The following SCN8A variants were observed in gnomAD, a reference collection of about 807,000 sequenced individuals.
SCN8A encodes sodium channel protein type 8 subunit alpha.
In SCN8A, 30 loss-of-function variants were observed where a neutral mutation model predicts 184.1. The ratio of observed to expected loss-of-function variants is 0.16; its 90% CI spans 0.12 to 0.22. SCN8A has a LOEUF of 0.22. Ranked by LOEUF, SCN8A falls within the 10% of genes least tolerant of loss-of-function variation. The pLI, the probability that SCN8A is intolerant of heterozygous loss-of-function variation, is 1.00. For synonymous variants in SCN8A, 852 were observed against 907.0 expected (o/e 0.94, Z 1.09); for missense variants, 1,057 against 2,498.9 (o/e 0.42, Z 12.30).
rs966667958 is a variant in SCN8A at position 51,789,169 on chromosome 12, C to G, written c.4282-112C>G. 3.5e-6 allele frequency: 4 copies of G among 1,156,614 alleles called. No individual in the cohort carries two copies. In the East Asian group the frequency reaches 1.0e-4, roughly 29 times the overall value. The allele number at this position is 1,156,614 out of a possible 1,614,324, so 71.6% of individuals were successfully genotyped here. A position where few individuals can be genotyped will look rare whatever the true frequency, so the allele number is the denominator to read the frequency against. On this transcript the variant is annotated intron_variant, in intron 23 of 26. Transcript: ENST00000627620. Reference sequence around the variant, plus strand: ...CAGGCAGAAAGAATCTAGGGCTCTCCCACCCCAAGATGTTTAGCAGCTCAA... The same window carrying G: ...CAGGCAGAAAGAATCTAGGGCTCTCGCACCCCAAGATGTTTAGCAGCTCAA...
chr12:51,690,524 TA>T (rs1031227971), intron 6 of SCN8A, among the ~76,000 whole-genome samples: 10 of 151,768 alleles, frequency 6.6e-5, no homozygotes, highest in African/African-American at 1.7e-4. Flanking sequence ...AGCTCATTTT[TA>T]AAAAAAAATT....
chr12:51,674,961 A>G (rs1941197448), intron 2 of SCN8A, among the ~76,000 whole-genome samples: 1 of 152,212 alleles, frequency 6.6e-6, no homozygotes, highest in African/African-American at 2.4e-5. Context: ...CAAAGCCTGT[A>G]AACCACTCTG....
chr12:51,739,119 TG>T (rs1286718010), intron 12 of SCN8A, among the ~76,000 whole-genome samples: 2 of 152,202 alleles, frequency 1.3e-5, no homozygotes, highest in Admixed American at 6.5e-5. Flanking sequence ...TTCCTCTATC[TG>T]GCGGCCTGAC....
intron 10 of SCN8A, 75 bp downstream of exon 10, chr12:51,705,698 A>G (rs2138748644): frequency 2.6e-5 from 34 of 1,326,758 alleles, no homozygotes; most frequent in Non-Finnish European, 3.4e-5. Context: ...TTTTCACTGC[A>G]GTTGATCTTT....
At chr12:51,757,188 G>A (rs998511668) in intron 14 of SCN8A, among the ~76,000 whole-genome samples, 6 of 152,186 alleles carry the variant, frequency 3.9e-5, no homozygotes, top group Admixed American at 6.5e-5. Context: ...CAACAGGTAC[G>A]AGTTGATCAC....
intron 1 of SCN8A, among the ~76,000 whole-genome samples, chr12:51,602,762 C>T (rs1939495853): frequency 1.3e-5 from 2 of 152,008 alleles, no homozygotes; most frequent in African/African-American, 2.4e-5. Context: ...GGCTTTGGGC[C>T]AATACACAGT....
At chr12:51,764,604 C>T (rs1362299600) in intron 15 of SCN8A, among the ~76,000 whole-genome samples, 1 of 151,978 alleles carries the variant, frequency 6.6e-6, no homozygotes, top group African/African-American at 2.4e-5. Context: ...TGCTGCACAC[C>T]AGCCTGGGCG....
At chr12:51,664,119 A>G (rs1376474469) in intron 2 of SCN8A, among the ~76,000 whole-genome samples, 1 of 151,976 alleles carries the variant, frequency 6.6e-6, no homozygotes, top group Non-Finnish European at 1.5e-5. Flanking sequence ...GGAAATCTAG[A>G]AAGTTTAATG....
At chr12:51,721,081 T>TTATATATATATATATATATATATA (rs58356368) in intron 11 of SCN8A, among the ~76,000 whole-genome samples, 43 of 86,760 alleles carry the variant, frequency 5.0e-4, no homozygotes, top group African/African-American at 1.5e-3. Context: ...AAAAAAAAAA[T>TTATATATATATATATATATATATA]TATATATATA....
At chr12:51,770,443 C>T (rs1942907371) in intron 18 of SCN8A, 86 bp from the exon 19 acceptor site, 5 of 1,415,842 alleles carry the variant, frequency 3.5e-6, no homozygotes, top group Non-Finnish European at 4.7e-6. Context: ...GGGGCAGCAC[C>T]TGGCAGGGCC....
intron 8 of SCN8A, 42 bp downstream of exon 8, chr12:51,701,249 T>G (rs1476287279): frequency 2.9e-6 from 4 of 1,356,122 alleles, no homozygotes; most frequent in Non-Finnish European, 4.1e-6. Context: ...CTTAAAATAA[T>G]GTACCTGTTA....
At chr12:51,694,867 A>G (rs778027022) in intron 6 of SCN8A, among the ~76,000 whole-genome samples, 5 of 152,212 alleles carry the variant, frequency 3.3e-5, no homozygotes, top group African/African-American at 7.2e-5. Context: ...ACAGCTGGCA[A>G]GACTGTAGAG....
At chr12:51,785,099 C>T (rs1938047735) in intron 21 of SCN8A, among the ~76,000 whole-genome samples, 1 of 152,176 alleles carries the variant, frequency 6.6e-6, no homozygotes, top group Non-Finnish European at 1.5e-5. Flanking sequence ...CTCCTTTTGC[C>T]TGTTCTTTTG....
At chr12:51,649,103 G>A (rs887791143) in intron 1 of SCN8A, among the ~76,000 whole-genome samples, 2 of 152,164 alleles carry the variant, frequency 1.3e-5, no homozygotes, top group African/African-American at 2.4e-5. Flanking sequence ...ATCCAGCGGG[G>A]CAGTCAAATT....
At chr12:51,629,395 T>TA (rs1940148787) in intron 1 of SCN8A, among the ~76,000 whole-genome samples, 1 of 152,134 alleles carries the variant, frequency 6.6e-6, no homozygotes, top group African/African-American at 2.4e-5. Context: ...CCTCTACCAC[T>TA]ACTTGCCTGT....
At chr12:51,667,878 T>C (rs944535196) in intron 2 of SCN8A, among the ~76,000 whole-genome samples, 7 of 152,172 alleles carry the variant, frequency 4.6e-5, no homozygotes, top group Non-Finnish European at 1.0e-4. Context: ...GGCACACTCC[T>C]ATTGCATTAA....
intron 1 of SCN8A, among the ~76,000 whole-genome samples, chr12:51,609,983 CAATAA>C (rs966164623): frequency 2.0e-5 from 3 of 151,298 alleles, no homozygotes; most frequent in East Asian, 1.9e-4. Flanking sequence ...AAAAAAAATA[CAATAA>C]AATAAAATAA....
At chr12:51,685,217 T>C (rs1941399781) in intron 3 of SCN8A, among the ~76,000 whole-genome samples, 1 of 152,144 alleles carries the variant, frequency 6.6e-6, no homozygotes, top group Admixed American at 6.6e-5. Context: ...TTCTGTTGGA[T>C]CAGAAGATGG....
chr12:51,738,003 A>G (rs998905123), intron 12 of SCN8A, among the ~76,000 whole-genome samples: 6 of 152,174 alleles, frequency 3.9e-5, no homozygotes, highest in African/African-American at 1.4e-4. Flanking sequence ...CTTAGCGGCC[A>G]TTGTTCTATC....
Sources: gnomAD v4.1 joint callset for allele counts (sites outside exome capture counted in the v4.1 genomes callset) on GRCh38, gnomAD v4.1.1 for gene constraint, MANE v1.5 for transcripts, NCBI Gene and HGNC (gene_info 2026-07-23, HGNC 2026-07-21) for gene names.